Variants in DENND1C observed in about 807,000 individuals in gnomAD.
DENND1C encodes DENN domain containing 1C.
In DENND1C, 64 loss-of-function variants were observed where a neutral mutation model predicts 87.9. The observed-to-expected ratio is 0.73, with a 90% CI of 0.60 to 0.90. The LOEUF is 0.90. Among genes scored for constraint, DENND1C ranks in the 40% least tolerant of loss-of-function variants. The pLI is 0.00. For missense variants in DENND1C, 980 were observed against 1,037.0 expected (o/e 0.95, Z 0.76); for synonymous variants, 384 against 424.4 (o/e 0.90, Z 1.17).
intron 4 of DENND1C, among the ~76,000 whole-genome samples, 192 bp from the exon 5 acceptor site, chr19:6,479,248 A>AGTCCCTGG (rs2092882797): frequency 6.7e-6 from 1 of 149,206 alleles, no homozygotes; most frequent in South Asian, 2.1e-4. Flanking sequence ...TGGGTCCCTG[A>AGTCCCTGG]GTCCCTGGGT....
intron 14 of DENND1C, among the ~76,000 whole-genome samples, chr19:6,474,781 G>A (rs1391134210): frequency 6.6e-6 from 1 of 151,988 alleles, no homozygotes; most frequent in African/African-American, 2.4e-5. Context: ...AATATATAGA[G>A]ACGGTGGCCG....
In DENND1C at chr19:6,470,132, G is replaced by C. The variant is rs3187613; in HGVS notation, c.1362+163C>G. On this transcript the variant is annotated intron_variant, in intron 18 of 22. Transcript: ENST00000381480. ...TATAATAAATAAAAAATAAAAGGGG[G>C]AAGAGTTGTTAATGGTTTAACTGCT... 7 of 660,848 alleles carry C rather than the reference G, an allele frequency of 1.1e-5. No homozygotes were observed. In the African/African-American group the frequency reaches 1.1e-4, roughly 10 times the overall value. 40.9% of individuals were successfully genotyped at this position (660,848 alleles called of 1,614,324 possible).
chr19:6,478,581 C>T (rs551483795), intron 6 of DENND1C, among the ~76,000 whole-genome samples: 4 of 151,938 alleles, frequency 2.6e-5, no homozygotes, highest in Admixed American at 6.6e-5. Context: ...TTTGTAGAGA[C>T]GGGGGTCTCA....
In DENND1C at chr19:6,479,074, G is replaced by C; in HGVS notation, c.177-18C>G. 6.2e-7 allele frequency: 1 copy of C among 1,613,542 alleles called. No individual in the cohort carries two copies. ...GGGGCTCCCTGGAGTGGGAAGGGCT[G>C]TTAGAGAGACCTGGACATCCCAGCT... is the stretch of plus-strand genomic sequence containing the variant. On this transcript the variant is annotated intron_variant, in intron 4 of 22. Coordinates refer to ENST00000381480, the MANE Select transcript of DENND1C (RefSeq NM_024898.4).
Position 6,468,472 on chromosome 19 carries a change from G to T in DENND1C, c.1584-31C>A, listed in dbSNP as rs762309768. The T allele has an allele frequency of 1.4e-5, 22 of 1,595,862 alleles. No individual in the cohort carries two copies. The African/African-American group carries it at 2.8e-4, about 20-fold the overall frequency. ...TGAGGATGGGCAGCCTCAGATATTT[G>T]CCCAAGACCCCCAGCCCTGGTCAGG... On this transcript the variant is annotated intron_variant, in intron 21 of 22. Transcript: ENST00000381480.
chr19:6,478,342 C>T (rs1326688823), intron 6 of DENND1C, among the ~76,000 whole-genome samples: 1 of 152,010 alleles, frequency 6.6e-6, no homozygotes, highest in Non-Finnish European at 1.5e-5. Context: ...CTCCCGGGTT[C>T]AAGCGATTCT....
chr19:6,473,361 G>T (rs1029098120), intron 14 of DENND1C, among the ~76,000 whole-genome samples: 2 of 151,570 alleles, frequency 1.3e-5, no homozygotes, highest in African/African-American at 4.8e-5. Context: ...CACCATGTTG[G>T]CCAGGTTGGT....
chr19:6,475,866 C>A lies in DENND1C; in HGVS notation c.750G>T (p.Thr250=), dbSNP rs761475069. 1.1e-4 allele frequency: 176 copies of A among 1,552,412 alleles called. No individual in the cohort carries two copies. Among genetic ancestry groups the A allele is most frequent in the Admixed American group, 3.3e-4 (16 of 48,236 alleles). ...AGTAGTCCAGCAGGTGTGGGGGCAG[C>A]GTGGGGATCAGCACGTGCTCCCAGC... is the stretch of plus-strand genomic sequence containing the variant. ...PMRWEHVLIP[T]LPPHLLDYCC... is the part of the protein sequence containing the mutation. The change falls in exon 11 of 23, where the codon ACG becomes ACT. Residue 250 remains threonine (T), a synonymous_variant. Coordinates refer to ENST00000381480, the MANE Select transcript of DENND1C (RefSeq NM_024898.4).
rs780230613 is a variant in DENND1C at position 6,471,386 on chromosome 19, G to A, written c.1249+20C>T. 1.9e-6 allele frequency: 3 copies of A among 1,583,752 alleles called. No individual in the cohort carries two copies. Among genetic ancestry groups the A allele is most frequent in the Non-Finnish European group, 2.6e-6 (3 of 1,165,220 alleles). On this transcript the variant is annotated intron_variant, in intron 16 of 22. Transcript: ENST00000381480. Reference sequence around the variant, plus strand: ...TGGTGGCGGGTAGTGGGGGACCCAGGGGCTGGACTCAGGGCTCACCTGAGG... The same window carrying A: ...TGGTGGCGGGTAGTGGGGGACCCAGAGGCTGGACTCAGGGCTCACCTGAGG...
At chr19:6,480,802 A>G (rs1403518861) in intron 1 of DENND1C, among the ~76,000 whole-genome samples, 1 of 151,784 alleles carries the variant, frequency 6.6e-6, no homozygotes, top group Non-Finnish European at 1.5e-5. Flanking sequence ...ACAGGGTTTC[A>G]CATACTGGCC....
intron 16 of DENND1C, 24 bp downstream of exon 16, chr19:6,471,382 C>G: frequency 6.3e-7 from 1 of 1,583,344 alleles, no homozygotes; most frequent in Non-Finnish European, 8.6e-7. Flanking sequence ...AGTGGGGGAC[C>G]CAGGGGCTGG....
intron 14 of DENND1C, 52 bp downstream of exon 14, chr19:6,475,222 C>A: frequency 1.2e-6 from 2 of 1,607,316 alleles, no homozygotes; most frequent in Non-Finnish European, 8.5e-7. Flanking sequence ...CGTTACATTG[C>A]GATTCATTCA....
At chr19:6,475,994 C>T (rs2092857754) in intron 10 of DENND1C, 57 bp from the exon 11 acceptor site, 2 of 1,435,276 alleles carry the variant, frequency 1.4e-6, no homozygotes, top group Non-Finnish European at 1.8e-6. Flanking sequence ...CGCGAGGTCT[C>T]TTCCAGCTGC....
intron 6 of DENND1C, among the ~76,000 whole-genome samples, chr19:6,478,101 G>T (rs1038481932): frequency 6.6e-6 from 1 of 151,910 alleles, no homozygotes; most frequent in Non-Finnish European, 1.5e-5. Flanking sequence ...TTGAGACAGG[G>T]TCTTGCTCTG....
chr19:6,478,837 G>A lies in DENND1C; in HGVS notation c.312C>T (p.Phe104=), dbSNP rs766744177. 1.1e-5 allele frequency: 18 copies of A among 1,613,700 alleles called. No homozygotes were observed. Among genetic ancestry groups the A allele is most frequent in the Admixed American group, 3.3e-5 (2 of 59,956 alleles). ...CLCILSHLPW[F]EVFYKLLNTV... is the part of the protein sequence containing the mutation. ...TGTTCAATAGCTTGTAAAACACCTC[G>A]AACCAAGGCAGGTGGCTGTGGAGAG... The change falls in exon 6 of 23, where the codon TTC becomes TTT. Residue 104 remains phenylalanine (F), a synonymous_variant. Transcript: ENST00000381480.
rs1023105082 is a variant in DENND1C, at chr19:6,475,741, G to A, written c.790C>T (p.Pro264Ser). Reference protein sequence around the residue: ...HLLDYCCAPMPYLIGVHASLA... With the variant: ...HLLDYCCAPMSYLIGVHASLA... ...CTGGCGTGCACTCCAATGAGGTAGGGCATGGGCGCGCTGCGGACCGAGGGG... is the reference window on the plus strand; with the variant it reads ...CTGGCGTGCACTCCAATGAGGTAGGACATGGGCGCGCTGCGGACCGAGGGG... The change falls in exon 12 of 23, where the codon CCC becomes TCC. Residue 264 changes from proline to serine, a missense_variant. Physicochemically the swap from Pro to Ser is moderately conservative, Grantham distance 74. Transcript: ENST00000381480. 6.4e-7 allele frequency: 1 copy of A among 1,568,688 alleles called. No individual in the cohort carries two copies. Among genetic ancestry groups the A allele is most frequent in the Non-Finnish European group, 8.7e-7 (1 of 1,156,004 alleles).
intron 14 of DENND1C, among the ~76,000 whole-genome samples, chr19:6,473,745 C>T (rs1050690548): frequency 6.7e-6 from 1 of 148,440 alleles, no homozygotes; most frequent in Non-Finnish European, 1.5e-5. Flanking sequence ...TGTGAGTCAC[C>T]GACCCGGCTG....
chr19:6,477,029 G>A, intron 9 of DENND1C, 45 bp downstream of exon 9: 1 of 1,613,312 alleles, frequency 6.2e-7, no homozygotes, highest in Non-Finnish European at 8.5e-7. Context: ...CCCCGGTCCG[G>A]GTTTCGGGAC....
chr19:6,477,260 G>C lies in DENND1C; in HGVS notation c.471C>G (p.Ser157Arg). 1.3e-6 allele frequency: 2 copies of C among 1,584,842 alleles called. No homozygotes were observed. The highest frequency in any genetic ancestry group is 1.1e-5 in the South Asian group (1 of 88,286). Residue 157 changes from serine (S) to arginine (R), a missense_variant, in exon 8 of 23, where the codon AGC becomes AGG. By Grantham distance (110) the Ser-to-Arg change is moderately radical. Transcript: ENST00000381480. ...LELGSGVTVS[S>R]GQGIPPPTRG... is the part of the protein sequence containing the mutation. ...GGGTAGGGGGGGGGATACCCTGCCC[G>C]CTGGAGACCGTCACTCCGCTGCCCT... is the stretch of plus-strand genomic sequence containing the variant.
Sources: allele counts gnomAD v4.1 joint callset (sites outside exome capture counted in the v4.1 genomes callset), GRCh38; gene constraint gnomAD v4.1.1; transcripts MANE v1.5; gene names NCBI Gene and HGNC (gene_info 2026-07-23, HGNC 2026-07-21).